Variants in SFMBT2 observed in about 807,000 individuals in gnomAD.
SFMBT2 encodes Scm like with four mbt domains 2, also known as scm-like with four MBT domains protein 2.
SFMBT2 carries 38 observed loss-of-function variants against 110.1 expected under a neutral mutation model. The ratio of observed to expected loss-of-function variants is 0.35; its 90% confidence interval spans 0.27 to 0.45. SFMBT2 has a LOEUF of 0.45. Ranked by LOEUF, SFMBT2 falls within the 20% of genes least tolerant of loss-of-function variation. SFMBT2 has a pLI of 1.00. For synonymous variants in SFMBT2, 425 were observed against 425.4 expected, an observed-to-expected ratio of 1.00 and a Z score of 0.01; for missense variants, 1,011 against 1,094.9, an observed-to-expected ratio of 0.92 and a Z score of 1.08.
intron 16 of SFMBT2, among the ~76,000 whole-genome samples, chr10:7,178,316 T>C (rs908278255): frequency 3.3e-5 from 5 of 152,166 alleles, no homozygotes; most frequent in African/African-American, 1.2e-4. Flanking sequence ...CCAATCTAGA[T>C]GAAGGGTATG....
At chr10:7,257,664 A>G (rs937029111) in intron 7 of SFMBT2, among the ~76,000 whole-genome samples, 1 of 152,172 alleles carries the variant, frequency 6.6e-6, no homozygotes, top group Admixed American at 6.5e-5. Flanking sequence ...CCTGAACTTG[A>G]CTCATCTCCA....
chr10:7,329,355 C>T (rs1038408752), intron 4 of SFMBT2, among the ~76,000 whole-genome samples: 11 of 152,332 alleles, frequency 7.2e-5, no homozygotes, highest in Admixed American at 2.6e-4. Context: ...GAGGTTCTCA[C>T]GAGCCGAGCT....
rs187467137 is a variant in SFMBT2, at chr10:7,391,815, C to T, written c.-51-9866G>A. Among the ~76,000 whole-genome samples, 105 of 152,138 alleles carry T rather than the reference C, an allele frequency of 6.9e-4. 1 individual carries two copies. The Middle Eastern group carries it at 0.017, about 25-fold the overall frequency. On this transcript the variant is annotated intron_variant, in intron 1 of 20. Coordinates refer to ENST00000397167, the MANE Select transcript of SFMBT2 (RefSeq NM_001387889.1). ...GTTGTTGTTTAGTTCACAGAGAATT[C>T]GGAATTCCAATCCATTTTTTCATTT...
chr10:7,210,364 G>A (rs1313878323), intron 11 of SFMBT2, among the ~76,000 whole-genome samples: 1 of 152,176 alleles, frequency 6.6e-6, no homozygotes, highest in African/African-American at 2.4e-5. Context: ...TCACAGGAGA[G>A]AGCGCGAGCA....
At chr10:7,222,836 AT>A (rs1279911843) in intron 10 of SFMBT2, among the ~76,000 whole-genome samples, 2 of 151,890 alleles carry the variant, frequency 1.3e-5, no homozygotes, top group East Asian at 3.9e-4. Flanking sequence ...TGCCCAGCTA[AT>A]TTTTTTATAT....
chr10:7,366,541 C>G (rs80017088), intron 4 of SFMBT2, among the ~76,000 whole-genome samples: 8,952 of 152,040 alleles, frequency 0.059, 869 homozygotes, highest in African/African-American at 0.2. Flanking sequence ...CAAGTTTATA[C>G]GTCACTTCAA....
In SFMBT2 at chr10:7,293,467, C is replaced by G. The variant is rs1393901525; in HGVS notation, c.437-7513G>C. On this transcript the variant is annotated intron_variant, in intron 4 of 20. Transcript: ENST00000397167. The surrounding 1 kb of genome is among the most constrained non-coding windows in gnomAD (Gnocchi z 4.6). Reference sequence around the variant, plus strand: ...CTGATGGGCTACAAGAGAAGTAGAACACAGAAATGTCCCTGAGGCTTTCTG... The same window carrying G: ...CTGATGGGCTACAAGAGAAGTAGAAGACAGAAATGTCCCTGAGGCTTTCTG... Among the ~76,000 whole-genome samples, 1 of 152,058 alleles carries G rather than the reference C, an allele frequency of 6.6e-6. No individual in the cohort carries two copies. Among genetic ancestry groups the G allele is most frequent in the African/African-American group, 2.4e-5 (1 of 41,396 alleles).
chr10:7,402,637 T>G (rs540092188), intron 1 of SFMBT2, among the ~76,000 whole-genome samples: 3 of 152,262 alleles, frequency 2.0e-5, no homozygotes, highest in Admixed American at 1.3e-4. Context: ...TTTCCACCAA[T>G]ATAGAGCAAG....
intron 11 of SFMBT2, among the ~76,000 whole-genome samples, chr10:7,213,496 TAG>T (rs1345018228): frequency 1.3e-5 from 2 of 152,172 alleles, no homozygotes; most frequent in Non-Finnish European, 2.9e-5. Flanking sequence ...GGAATTATTG[TAG>T]AGTTTCTAAC....
Position 7,176,048 on chromosome 10 carries a change from A to C in SFMBT2, c.1926T>G (p.Pro642=). 2 of 1,614,236 alleles carry C rather than the reference A, an allele frequency of 1.2e-6. No individual in the cohort carries two copies. Among genetic ancestry groups the C allele is most frequent in the Non-Finnish European group, 1.7e-6 (2 of 1,180,050 alleles). The change falls in exon 17 of 21, where the codon CCT becomes CCG. Residue 642 remains proline, a synonymous_variant. Transcript: ENST00000397167. The part of the protein sequence containing the change: ...KLECCPNLFS[P]VLISENCPEN... ...CTGGGCAGTTTTCAGATATCAGCAC[A>C]GGACTAAACAAATTTGGACAGCACT...
At chr10:7,168,081 G>A (rs982208062) in intron 20 of SFMBT2, among the ~76,000 whole-genome samples, 38 of 144,798 alleles carry the variant, frequency 2.6e-4, no homozygotes, top group South Asian at 1.3e-3. Context: ...AAAAAAAAAA[G>A]AGCAACTTGA....
Position 7,194,989 on chromosome 10 carries a change from G to A in SFMBT2, c.1698+2559C>T, listed in dbSNP as rs1838723309. On this transcript the variant is annotated intron_variant, in intron 15 of 20. Transcript: ENST00000397167. ...AAGGGAAGGTGTCATTTCAACAACG[G>A]AACACGTCACGTGAAACAGGCTTGC... 2.0e-5 allele frequency among the ~76,000 whole-genome samples: 3 copies of A among 152,210 alleles called. No individual in the cohort carries two copies. The South Asian group carries it at 6.2e-4, about 32-fold the overall frequency.
chr10:7,236,579 T>C (rs561121823), intron 9 of SFMBT2, among the ~76,000 whole-genome samples: 1 of 152,236 alleles, frequency 6.6e-6, no homozygotes. Context: ...AGTGGGGAAA[T>C]GAAAAACTTC....
chr10:7,366,740 A>G (rs1230662206), intron 4 of SFMBT2, among the ~76,000 whole-genome samples: 3 of 152,246 alleles, frequency 2.0e-5, no homozygotes, highest in African/African-American at 7.2e-5. Context: ...CAATGCATTT[A>G]TCATGTCCAG....
intron 4 of SFMBT2, among the ~76,000 whole-genome samples, chr10:7,346,195 CAA>C (rs1483497043): frequency 1.3e-5 from 2 of 152,196 alleles, no homozygotes; most frequent in Non-Finnish European, 2.9e-5. Flanking sequence ...TCCCCTTGTG[CAA>C]AGTGATTGAA....
chr10:7,374,202 C>T (rs1278248259), intron 2 of SFMBT2, among the ~76,000 whole-genome samples: 1 of 152,152 alleles, frequency 6.6e-6, no homozygotes, highest in Admixed American at 6.5e-5. Context: ...GTGGAGGCTG[C>T]AGTGAGCTGA....
chr10:7,275,505 G>A (rs180990219), intron 7 of SFMBT2, among the ~76,000 whole-genome samples: 296 of 151,728 alleles, frequency 2.0e-3, no homozygotes, highest in Middle Eastern at 0.014. Context: ...AGGAGAGGAA[G>A]AGGAAGACAA....
Position 7,161,443 on chromosome 10 carries a change from T to C in SFMBT2, c.*2327A>G, listed in dbSNP as rs929693323. On this transcript the variant is annotated 3_prime_UTR_variant, in exon 21 of 21. Coordinates refer to ENST00000397167, the MANE Select transcript of SFMBT2 (RefSeq NM_001387889.1). The stretch of plus-strand genomic sequence containing the variant: ...GGGGAAAATGCCAAAGATCTGGAAA[T>C]GGATGCCCTTTCCAATCGTTTGACA... The C allele has an allele frequency of 2.0e-5, 3 of 152,302 alleles. No individual in the cohort carries two copies. The highest frequency in any genetic ancestry group is 1.9e-4 in the East Asian group (1 of 5,190). 9.4% of individuals were successfully genotyped at this position (152,302 alleles called of 1,614,324 possible). A position where few individuals can be genotyped will look rare whatever the true frequency, so the allele number is the denominator to read the frequency against.
intron 7 of SFMBT2, among the ~76,000 whole-genome samples, chr10:7,259,159 G>A (rs753067842): frequency 6.6e-6 from 1 of 152,196 alleles, no homozygotes; most frequent in Non-Finnish European, 1.5e-5. Flanking sequence ...AGAAGCAAGA[G>A]CTGGGAAGGC....
Sources: gnomAD v4.1 joint callset for allele counts (sites outside exome capture counted in the v4.1 genomes callset) on GRCh38, gnomAD v4.1.1 for gene constraint, Gnocchi (gnomAD v3.1) non-coding constraint, MANE v1.5 for transcripts, NCBI Gene and HGNC (gene_info 2026-07-23, HGNC 2026-07-21) for gene names.